Variants in KIAA1614 observed in about 807,000 individuals in gnomAD.
KIAA1614 encodes the protein uncharacterized protein KIAA1614.
In KIAA1614, 76 loss-of-function variants were observed where a neutral mutation model predicts 88.7. The ratio of observed to expected loss-of-function variants is 0.86; its 90% CI spans 0.71 to 1.04. The LOEUF (loss-of-function observed/expected upper bound fraction) is 1.04. Ranked by LOEUF, KIAA1614 falls within the 50% of genes least tolerant of loss-of-function variation. The pLI, the probability that KIAA1614 is intolerant of heterozygous loss-of-function variation, is 0.00. For synonymous variants in KIAA1614, 714 were observed against 675.5 expected (o/e 1.06, Z -0.88); for missense variants, 1,553 against 1,582.5 (o/e 0.98, Z 0.32).
chr1:180,939,203 G>A (rs1452340277), intron 6 of KIAA1614, among the ~76,000 whole-genome samples: 2 of 152,180 alleles, frequency 1.3e-5, no homozygotes, highest in Non-Finnish European at 2.9e-5. Flanking sequence ...TGAGCCCGGA[G>A]TTCTGGCCAG....
At position 180,920,168 on chromosome 1, in the gene KIAA1614, T is replaced by G. The variant is rs976259934; in HGVS notation, c.1061+2254T>G. On this transcript the variant is annotated intron_variant, in intron 3 of 8. Coordinates refer to ENST00000367588, the MANE Select transcript of KIAA1614 (RefSeq NM_020950.2). ...CCTCAGATAGGGTTCCCTGTCTGGC[T>G]CTATCCCCGAGTCTCCTGGGCAGAC... Among the ~76,000 whole-genome samples, 3 of 152,258 alleles carry G rather than the reference T, an allele frequency of 2.0e-5. No homozygotes were observed. The East Asian group carries it at 5.8e-4, about 29-fold the overall frequency.
At chr1:180,934,522 C>T (rs532943888) in intron 4 of KIAA1614, among the ~76,000 whole-genome samples, 2 of 151,710 alleles carry the variant, frequency 1.3e-5, no homozygotes, top group East Asian at 2.0e-4. Context: ...CCCCAGAGAT[C>T]GAGGCTGTAG....
Position 180,941,399 on chromosome 1 carries a change from G to A in KIAA1614, c.3159+114G>A. The A allele has an allele frequency of 3.1e-6, 4 of 1,300,302 alleles. No homozygotes were observed. In the South Asian group the frequency reaches 4.4e-5, roughly 14 times the overall value. The allele number at this position is 1,300,302 out of a possible 1,614,324, so 80.5% of individuals were successfully genotyped here. A position where few individuals can be genotyped will look rare whatever the true frequency, so the allele number is the denominator to read the frequency against. On this transcript the variant is annotated intron_variant, in intron 7 of 8. Coordinates refer to ENST00000367588, the MANE Select transcript of KIAA1614 (RefSeq NM_020950.2). Reference sequence around the variant, plus strand: ...GAGGATGCCTCCCAAGGAGCCCACAGTAGGGAGACGGAAGCTGCTGGCATC... The same window carrying A: ...GAGGATGCCTCCCAAGGAGCCCACAATAGGGAGACGGAAGCTGCTGGCATC...
intron 4 of KIAA1614, among the ~76,000 whole-genome samples, chr1:180,930,867 G>C (rs1016584790): frequency 1.3e-5 from 2 of 152,356 alleles, no homozygotes; most frequent in East Asian, 3.9e-4. Flanking sequence ...GTTACGCTCC[G>C]TCAAATCACC....
rs759658387 is a variant in KIAA1614 at position 180,916,748 on chromosome 1, A to G, written c.645A>G (p.Gly215=). The G allele has an allele frequency of 1.9e-6, 3 of 1,614,176 alleles. No individual in the cohort carries two copies. Among genetic ancestry groups the G allele is most frequent in the Non-Finnish European group, 2.5e-6 (3 of 1,180,022 alleles). Residue 215 remains glycine, a synonymous_variant, in exon 2 of 9, where the codon GGA becomes GGG. Transcript: ENST00000367588. The stretch of plus-strand genomic sequence containing the variant: ...CTTTGCAACAGAGCCCGATCCATGG[A>G]GTTACTCCCGGACGGCCTGGGGGTC... ...PSSLQQSPIH[G]VTPGRPGGPG...
intron 8 of KIAA1614, 146 bp from the exon 9 acceptor site, chr1:180,945,157 C>G (rs1380529824): frequency 1.9e-5 from 19 of 1,007,840 alleles, no homozygotes; most frequent in Non-Finnish European, 2.5e-5. Flanking sequence ...CTAGCAGGCT[C>G]TTTTTGCTGG....
chr1:180,940,926 A>C, intron 6 of KIAA1614, 119 bp from the exon 7 acceptor site: 1 of 870,748 alleles, frequency 1.1e-6, no homozygotes, highest in South Asian at 1.8e-5. Flanking sequence ...CTGGCCCCAA[A>C]TGTGCCAGAG....
At chr1:180,919,744 T>C (rs1354587446) in intron 3 of KIAA1614, among the ~76,000 whole-genome samples, 1 of 152,080 alleles carries the variant, frequency 6.6e-6, no homozygotes, top group African/African-American at 2.4e-5. Context: ...ACCTCAACCA[T>C]GGGGGAAGGA....
At chr1:180,938,750 T>C in intron 6 of KIAA1614, 39 bp downstream of exon 6, 2 of 1,603,216 alleles carry the variant, frequency 1.2e-6, no homozygotes, top group East Asian at 2.2e-5. Context: ...CAGAAGGAGG[T>C]GGGAATGGGG....
chr1:180,914,619 G>A (rs111585396), intron 1 of KIAA1614, among the ~76,000 whole-genome samples: 208 of 152,130 alleles, frequency 1.4e-3, no homozygotes, highest in Non-Finnish European at 2.2e-3. Context: ...GCGGGATCTC[G>A]CCTCACTGTA....
intron 6 of KIAA1614, 41 bp from the exon 7 acceptor site, chr1:180,941,004 C>CCGGGG: frequency 3.5e-5 from 32 of 915,330 alleles, no homozygotes; most frequent in Middle Eastern, 3.8e-4. Flanking sequence ...GCCACCCTCC[C>CCGGGG]GGCCCTCCCC....
At chr1:180,917,644 G>C (rs951462448) in intron 2 of KIAA1614, among the ~76,000 whole-genome samples, 1 of 152,124 alleles carries the variant, frequency 6.6e-6, no homozygotes, top group South Asian at 2.1e-4. Context: ...GCATGCCTGA[G>C]CCCAGGCATG....
intron 8 of KIAA1614, 183 bp downstream of exon 8, chr1:180,944,699 T>G (rs879788924): frequency 8.6e-6 from 5 of 579,512 alleles, no homozygotes; most frequent in Non-Finnish European, 1.4e-5. Flanking sequence ...GTGCCCTGCA[T>G]GGACCCTCGG....
In KIAA1614 at chr1:180,950,401, G is replaced by T; in HGVS notation, c.*4813G>T. On this transcript the variant is annotated 3_prime_UTR_variant, in exon 9 of 9. Coordinates refer to ENST00000367588, the MANE Select transcript of KIAA1614 (RefSeq NM_020950.2). ...CCAAGCTGTACTCAGGGCTGCTGGG[G>T]GTGGGCGATGAGATCCTCGAGGTGA... The T allele has an allele frequency of 8.1e-7, 1 of 1,232,692 alleles. No homozygotes were observed. Among genetic ancestry groups the T allele is most frequent in the Non-Finnish European group, 1.0e-6 (1 of 959,556 alleles). The allele number at this position is 1,232,692 out of a possible 1,614,324, so 76.4% of individuals were successfully genotyped here.
At chr1:180,937,721 A>G (rs1654363257) in intron 5 of KIAA1614, among the ~76,000 whole-genome samples, 1 of 152,194 alleles carries the variant, frequency 6.6e-6, no homozygotes, top group Non-Finnish European at 1.5e-5. Context: ...TCCACTGCAC[A>G]GGGACACACA....
chr1:180,937,252 C>T (rs1382336435), intron 5 of KIAA1614, among the ~76,000 whole-genome samples: 1 of 152,368 alleles, frequency 6.6e-6, no homozygotes, highest in South Asian at 2.1e-4. Flanking sequence ...GAGCAGGAGT[C>T]CTGCCCTTGA....
At chr1:180,927,210 C>A (rs1315504401) in intron 3 of KIAA1614, among the ~76,000 whole-genome samples, 1 of 152,154 alleles carries the variant, frequency 6.6e-6, no homozygotes, top group African/African-American at 2.4e-5. Context: ...TGAGGGGCTG[C>A]AGGTCTGAGA....
intron 5 of KIAA1614, among the ~76,000 whole-genome samples, 154 bp from the exon 6 acceptor site, chr1:180,938,401 C>G (rs533397053): frequency 6.6e-6 from 1 of 152,278 alleles, no homozygotes; most frequent in Non-Finnish European, 1.5e-5. Context: ...CCCCACCTTC[C>G]CTTGCTGCTT....
At chr1:180,924,032 A>T (rs1654013769) in intron 3 of KIAA1614, among the ~76,000 whole-genome samples, 1 of 152,064 alleles carries the variant, frequency 6.6e-6, no homozygotes, top group Non-Finnish European at 1.5e-5. Flanking sequence ...ACACGCTCCC[A>T]GTGTCTCACC....
Sources: allele counts gnomAD v4.1 joint callset (sites outside exome capture counted in the v4.1 genomes callset), GRCh38; gene constraint gnomAD v4.1.1; transcripts MANE v1.5; gene names NCBI Gene and HGNC (gene_info 2026-07-23, HGNC 2026-07-21).